IGF1R: variants seen among roughly 807,000 people sequenced by gnomAD.
IGF1R encodes insulin-like growth factor 1 receptor.
Under a neutral mutation model 144.6 loss-of-function variants are expected in IGF1R, and 44 were observed. That is an observed-to-expected ratio of 0.30 (90% CI 0.24 to 0.39). IGF1R has a LOEUF of 0.39. Among genes scored for constraint, IGF1R ranks in the 10% least tolerant of loss-of-function variants. The pLI is 1.00. For synonymous variants in IGF1R, 795 were observed against 722.8 expected, an observed-to-expected ratio of 1.10 and a Z score of -1.60; for missense variants, 1,355 against 1,833.7, an observed-to-expected ratio of 0.74 and a Z score of 4.77.
At chr15:98,911,261 G>C in intron 6 of IGF1R, 54 bp from the exon 7 acceptor site, 1 of 1,611,466 alleles carries the variant, frequency 6.2e-7, no homozygotes, top group South Asian at 1.1e-5. Context: ...CAAGACAGGT[G>C]CTTTTCAGAG....
In IGF1R at chr15:98,923,919, G is replaced by A; in HGVS notation, c.2529G>A (p.Arg843=). The A allele has an allele frequency of 6.2e-7, 1 of 1,612,792 alleles. No individual in the cohort carries two copies. Among genetic ancestry groups the A allele is most frequent in the Non-Finnish European group, 8.5e-7 (1 of 1,178,762 alleles). ...DIPGPVTWEP[R]PENSIFLKWP... ...CTGGGCCAGTGACCTGGGAGCCAAG[G>A]CCTGAAAACTCCATCTTTTTAAAGT... Residue 843 remains arginine (R), a synonymous_variant, in exon 12 of 21, where the codon AGG becomes AGA. Coordinates refer to ENST00000650285, the MANE Select transcript of IGF1R (RefSeq NM_000875.5).
At chr15:98,845,594 C>T (rs957627803) in intron 2 of IGF1R, among the ~76,000 whole-genome samples, 7 of 146,822 alleles carry the variant, frequency 4.8e-5, no homozygotes, top group African/African-American at 1.5e-4. Flanking sequence ...TTCTTTCTCT[C>T]TTCTCTCTCT....
At chr15:98,821,839 G>T (rs1051861640) in intron 2 of IGF1R, among the ~76,000 whole-genome samples, 1 of 148,344 alleles carries the variant, frequency 6.7e-6, no homozygotes, top group African/African-American at 2.4e-5. Flanking sequence ...GGCCTCAGAC[G>T]TGGAGAGACA....
chr15:98,711,043 G>A (rs2053979885), intron 2 of IGF1R, among the ~76,000 whole-genome samples: 1 of 152,000 alleles, frequency 6.6e-6, no homozygotes, highest in Non-Finnish European at 1.5e-5. Flanking sequence ...TTGGTAAGCT[G>A]CTTTAGAGCA....
At chr15:98,894,399 C>A (rs569043162) in intron 3 of IGF1R, among the ~76,000 whole-genome samples, 2 of 152,158 alleles carry the variant, frequency 1.3e-5, no homozygotes, top group Non-Finnish European at 2.9e-5. Context: ...TTTGTAATAA[C>A]CCCAAATTGG....
chr15:98,948,471 G>A (rs571549976), intron 19 of IGF1R, 103 bp from the exon 20 acceptor site: 230 of 1,238,826 alleles, frequency 1.9e-4, no homozygotes, highest in Non-Finnish European at 2.5e-4. Context: ...ACCATAGTAA[G>A]GACAGTTTAT....
intron 5 of IGF1R, among the ~76,000 whole-genome samples, chr15:98,904,558 C>T (rs1473207889): frequency 1.3e-5 from 2 of 152,092 alleles, no homozygotes; most frequent in African/African-American, 2.4e-5. Flanking sequence ...AGCCTGTTTG[C>T]AGATGGATTG....
intron 1 of IGF1R, among the ~76,000 whole-genome samples, chr15:98,664,576 A>C (rs1270380888): frequency 6.6e-6 from 1 of 151,300 alleles, no homozygotes; most frequent in Non-Finnish European, 1.5e-5. Context: ...GAGGCAGGAG[A>C]ATCACTTGAA....
chr15:98,717,218 G>C (rs1052792579), intron 2 of IGF1R, among the ~76,000 whole-genome samples: 5 of 152,160 alleles, frequency 3.3e-5, no homozygotes, highest in East Asian at 3.8e-4. Context: ...TGTGGTGCTA[G>C]GACAAAGCTG....
In IGF1R at chr15:98,701,563, ATCT is replaced by A. The variant is rs1301362110; in HGVS notation, c.95-5995_95-5993del. Among the ~76,000 whole-genome samples the A allele has an allele frequency of 8.5e-5, 13 of 152,054 alleles. No homozygotes were observed. In the East Asian group the frequency reaches 2.5e-3, roughly 29 times the overall value. ...CACCGTGTTAGCCAGGATGGTCTTG[ATCT>A]TCTGACCCGTGATCCTACCGCCTCG... On this transcript the variant is annotated intron_variant, in intron 1 of 20. Coordinates refer to ENST00000650285, the MANE Select transcript of IGF1R (RefSeq NM_000875.5).
At chr15:98,675,056 T>G (rs976413695) in intron 1 of IGF1R, among the ~76,000 whole-genome samples, 3 of 142,942 alleles carry the variant, frequency 2.1e-5, no homozygotes, top group Admixed American at 1.5e-4. Context: ...TGGTGCAATC[T>G]CAGCTCACTT....
chr15:98,669,629 A>G (rs1384121437), intron 1 of IGF1R, among the ~76,000 whole-genome samples: 2 of 152,172 alleles, frequency 1.3e-5, no homozygotes, highest in Non-Finnish European at 2.9e-5. Flanking sequence ...AGGCTTGAGC[A>G]GTGGGTGAGA....
Position 98,922,327 on chromosome 15 carries a change from G to A in IGF1R, c.2381G>A (p.Arg794Gln), listed in dbSNP as rs763500322. 13 of 1,613,974 alleles carry A rather than the reference G, an allele frequency of 8.1e-6. No individual in the cohort carries two copies. Among genetic ancestry groups the A allele is most frequent in the African/African-American group, 6.7e-5 (5 of 74,890 alleles). Residue 794 changes from arginine (R) to glutamine (Q), a missense_variant, in exon 11 of 21, where the codon CGG becomes CAG. Physicochemically the swap from Arg to Gln is conservative, Grantham distance 43. Coordinates refer to ENST00000650285, the MANE Select transcript of IGF1R (RefSeq NM_000875.5). The part of the protein sequence containing the change: ...NKERTVISNL[R>Q]PFTLYRIDIH... ...GAGAGAACTGTCATTTCTAACCTTC[G>A]GCCTTTCACATTGTACCGCATCGAT...
At chr15:98,713,404 G>T (rs2054041709) in intron 2 of IGF1R, among the ~76,000 whole-genome samples, 4 of 152,166 alleles carry the variant, frequency 2.6e-5, no homozygotes, top group Admixed American at 2.6e-4. Flanking sequence ...GATGTTTACT[G>T]TGTCATTGTT....
chr15:98,766,100 C>T (rs1285812656), intron 2 of IGF1R, among the ~76,000 whole-genome samples: 2 of 152,122 alleles, frequency 1.3e-5, no homozygotes, highest in Admixed American at 6.5e-5. Flanking sequence ...AAGGGTGAGC[C>T]GGGACCCCAG....
At position 98,896,771 on chromosome 15, in the gene IGF1R, C is replaced by G. The variant is rs747468191; in HGVS notation, c.968C>G (p.Pro323Arg). ...TTCTTCAACAGCATGTACTGCATCC[C>G]TTGTGAAGGTCCTTGCCCGAAGGTC... ...RNGSQSMYCI[P>R]CEGPCPKVCE... Residue 323 changes from proline (P) to arginine (R), a missense_variant, in exon 4 of 21, where the codon CCT (proline) becomes CGT (arginine). Pro to Arg is a moderately radical substitution (Grantham distance 103). Around this residue, in one of 7 missense-constraint regions of IGF1R, gnomAD observed 880 missense variants for 1,202.7 expected, o/e 0.73. Coordinates refer to ENST00000650285, the MANE Select transcript of IGF1R (RefSeq NM_000875.5). 8 of 1,613,904 alleles carry G rather than the reference C, an allele frequency of 5.0e-6. No homozygotes were observed. Among genetic ancestry groups the G allele is most frequent in the Non-Finnish European group, 6.8e-6 (8 of 1,179,974 alleles).
At position 98,899,584 on chromosome 15, in the gene IGF1R, A is replaced by C. The variant is rs764403253; in HGVS notation, c.1210A>C (p.Asn404His). The change falls in exon 5 of 21, where the codon AAC (asparagine) becomes CAC (histidine). Residue 404 changes from asparagine (N) to histidine (H), a missense_variant. Asn to His is a moderately conservative substitution (Grantham distance 68, BLOSUM62 1). Around this residue, in one of 7 missense-constraint regions of IGF1R, gnomAD observed 880 missense variants for 1,202.7 expected, o/e 0.73. Transcript: ENST00000650285. ...HALVSLSFLK[N>H]LRLILGEEQL... ...CTTGGTCTCCTTGTCCTTCCTAAAA[A>C]ACCTTCGCCTCATCCTAGGAGAGGA... The C allele has an allele frequency of 1.9e-6, 3 of 1,614,010 alleles. No homozygotes were observed. The African/African-American group carries it at 4.0e-5, about 22-fold the overall frequency.
At chr15:98,797,487 A>G (rs1323387361) in intron 2 of IGF1R, among the ~76,000 whole-genome samples, 1 of 152,146 alleles carries the variant, frequency 6.6e-6, no homozygotes, top group African/African-American at 2.4e-5. Flanking sequence ...CGTCGGAGCC[A>G]TGTCTAGGTT....
At chr15:98,946,196 G>C (rs2016547017) in intron 19 of IGF1R, among the ~76,000 whole-genome samples, 1 of 151,650 alleles carries the variant, frequency 6.6e-6, no homozygotes, top group African/African-American at 2.4e-5. Context: ...TAGGAAGCGG[G>C]GCGGGGCGGG....
Sources: allele counts gnomAD v4.1 joint callset (sites outside exome capture counted in the v4.1 genomes callset), GRCh38; gene constraint gnomAD v4.1.1; regional missense constraint gnomAD v4.1.1; transcripts MANE v1.5; gene names NCBI Gene and HGNC (gene_info 2026-07-23, HGNC 2026-07-21).